Variants in PXMP4 observed in about 807,000 individuals in gnomAD.
PXMP4 encodes the protein peroxisomal membrane protein 4.
In PXMP4, 16 loss-of-function variants were observed where a neutral mutation model predicts 21.6. The ratio of observed to expected loss-of-function variants is 0.74; its 90% CI spans 0.50 to 1.13. The LOEUF (loss-of-function observed/expected upper bound fraction) is 1.13, where lower values mean the gene tolerates loss of function less well. PXMP4 is among the 50% of genes most tolerant of loss of function. The pLI, the probability that PXMP4 is intolerant of heterozygous loss-of-function variation, is 0.00. For missense variants in PXMP4, 240 were observed against 277.7 expected (o/e 0.86, Z 0.96); for synonymous variants, 127 against 123.8 (o/e 1.03, Z -0.17).
chr20:33,714,033 T>C (rs1025459630), intron 2 of PXMP4, among the ~76,000 whole-genome samples: 8 of 151,992 alleles, frequency 5.3e-5, no homozygotes, highest in African/African-American at 1.9e-4. Flanking sequence ...CTGGCGGGGG[T>C]GCTGCGTGAG....
Position 33,720,276 on chromosome 20 carries a change from G to A in PXMP4, c.-69C>T, listed in dbSNP as rs990883205. ...ACTGACAGCCGGAGGTTCCAGCTGC[G>A]CGCCCACAGCCCCTCGGTAGCGCCG... On this transcript the variant is annotated 5_prime_UTR_variant, in exon 1 of 4. Transcript: ENST00000409299. 2 of 1,387,622 alleles carry A rather than the reference G, an allele frequency of 1.4e-6. No homozygotes were observed. Among genetic ancestry groups the A allele is most frequent in the Admixed American group, 4.0e-5 (2 of 50,436 alleles). 86.0% of individuals were successfully genotyped at this position (1,387,622 alleles called of 1,614,324 possible). A position where few individuals can be genotyped will look rare whatever the true frequency, so the allele number is the denominator to read the frequency against.
chr20:33,702,926 T>C lies in PXMP4; in HGVS notation c.*4780A>G, dbSNP rs2018219389. The C allele has an allele frequency of 6.6e-6, 1 of 152,122 alleles. No homozygotes were observed. Among genetic ancestry groups the C allele is most frequent in the African/African-American group, 2.4e-5 (1 of 41,408 alleles). The allele number at this position is 152,122 out of a possible 1,614,324, so 9.4% of individuals were successfully genotyped here. On this transcript the variant is annotated 3_prime_UTR_variant, in exon 4 of 4. Coordinates refer to ENST00000409299, the MANE Select transcript of PXMP4 (RefSeq NM_007238.5). ...CCTCTGGCCATCCCTGTTTTACAGGTCTTAGAGAATGGAGGGCAGCTAGGA... is the reference window on the plus strand; with the variant it reads ...CCTCTGGCCATCCCTGTTTTACAGGCCTTAGAGAATGGAGGGCAGCTAGGA...
At position 33,707,463 on chromosome 20, in the gene PXMP4, CT is replaced by C; in HGVS notation, c.*242del. 1.9e-6 allele frequency: 1 copy of C among 529,120 alleles called. No individual in the cohort carries two copies. Among genetic ancestry groups the C allele is most frequent in the South Asian group, 2.2e-5 (1 of 44,566 alleles). The allele number at this position is 529,120 out of a possible 1,614,324, so 32.8% of individuals were successfully genotyped here. On this transcript the variant is annotated 3_prime_UTR_variant, in exon 4 of 4. Transcript: ENST00000409299. ...AGAGAGTAGTGTGGCTGGCCCCAGT[CT>C]CACAGAAGTCAGCTGCACAGCTGGA...
At chr20:33,711,868 G>A (rs562816349) in intron 2 of PXMP4, among the ~76,000 whole-genome samples, 2 of 151,888 alleles carry the variant, frequency 1.3e-5, no homozygotes, top group Admixed American at 6.6e-5. Context: ...TGGCACACGC[G>A]TGTAGTTCCT....
intron 2 of PXMP4, among the ~76,000 whole-genome samples, chr20:33,712,811 A>G (rs1159270578): frequency 6.6e-6 from 1 of 152,192 alleles, no homozygotes; most frequent in Non-Finnish European, 1.5e-5. Context: ...TTGTATTTTT[A>G]GTAGAGACGG....
chr20:33,710,266 C>T (rs1283971568), intron 3 of PXMP4, among the ~76,000 whole-genome samples: 1 of 148,778 alleles, frequency 6.7e-6, no homozygotes, highest in Non-Finnish European at 1.5e-5. Context: ...CAGAACCACG[C>T]CCTTTCCCCC....
chr20:33,713,497 A>G (rs137855507), intron 2 of PXMP4, among the ~76,000 whole-genome samples: 46 of 152,184 alleles, frequency 3.0e-4, no homozygotes, highest in African/African-American at 1.0e-3. Flanking sequence ...TTGCTTTTCC[A>G]TAACCATAGC....
chr20:33,712,862 C>G (rs151277057), intron 2 of PXMP4, among the ~76,000 whole-genome samples: 1 of 152,338 alleles, frequency 6.6e-6, no homozygotes, highest in Non-Finnish European at 1.5e-5. Flanking sequence ...ATCTCCTGAC[C>G]TCGTGATCTG....
chr20:33,714,715 G>A lies in PXMP4; in HGVS notation c.135C>T (p.Ala45=). Reference sequence around the variant, plus strand: ...GAAAGGTCATGACCAGCGCGTGAGGGGCCCGGATTTTGGCTCCATAGCTGT... The same window carrying A: ...GAAAGGTCATGACCAGCGCGTGAGGAGCCCGGATTTTGGCTCCATAGCTGT... ...NGAVYGAKIR[A]PHALVMTFLF... is the part of the protein sequence containing the mutation. Residue 45 remains alanine (A), a synonymous_variant, in exon 2 of 4, where the codon GCC becomes GCT. Transcript: ENST00000409299. 4 of 1,614,024 alleles carry A rather than the reference G, an allele frequency of 2.5e-6. No individual in the cohort carries two copies. Among genetic ancestry groups the A allele is most frequent in the Non-Finnish European group, 3.4e-6 (4 of 1,179,980 alleles).
intron 3 of PXMP4, 87 bp from the exon 4 acceptor site, chr20:33,708,056 CT>C (rs955620723): frequency 3.5e-6 from 5 of 1,425,054 alleles, no homozygotes; most frequent in Non-Finnish European, 3.8e-6. Context: ...TTTCATTTCT[CT>C]TTTTTTCTTA....
chr20:33,710,720 G>A lies in PXMP4; in HGVS notation c.210C>T (p.Ala70=), dbSNP rs1346520469. 1 of 1,612,968 alleles carries A rather than the reference G, an allele frequency of 6.2e-7. No homozygotes were observed. Among genetic ancestry groups the A allele is most frequent in the Non-Finnish European group, 8.5e-7 (1 of 1,179,490 alleles). ...LQEKLWAILQ[A]TYIHSWNLAR... Reference sequence around the variant, plus strand: ...CCAGGTTCCAGGAGTGGATATATGTGGCCTGCAGTATGGCCCACAGCTTCT... The same window carrying A: ...CCAGGTTCCAGGAGTGGATATATGTAGCCTGCAGTATGGCCCACAGCTTCT... The change falls in exon 3 of 4, where the codon GCC becomes GCT. Residue 70 remains alanine, a synonymous_variant. Coordinates refer to ENST00000409299, the MANE Select transcript of PXMP4 (RefSeq NM_007238.5).
rs1364730672 is a variant in PXMP4, at chr20:33,707,676, T to A, written c.*30A>T. 1.2e-6 allele frequency: 2 copies of A among 1,604,974 alleles called. No individual in the cohort carries two copies. Among genetic ancestry groups the A allele is most frequent in the Admixed American group, 3.3e-5 (2 of 59,816 alleles). ...GGAGGGTCTGCATGGGGCCAAATCTTGAGCCACAGCCAGACACCTCAGGGC... is the reference window on the plus strand; with the variant it reads ...GGAGGGTCTGCATGGGGCCAAATCTAGAGCCACAGCCAGACACCTCAGGGC... On this transcript the variant is annotated 3_prime_UTR_variant, in exon 4 of 4. Coordinates refer to ENST00000409299, the MANE Select transcript of PXMP4 (RefSeq NM_007238.5).
rs1352555834 is a variant in PXMP4, at chr20:33,718,609, G to C, written c.113+1486C>G. Among the ~76,000 whole-genome samples the C allele has an allele frequency of 4.6e-5, 7 of 151,306 alleles. 1 individual carries two copies. The highest frequency in any genetic ancestry group is 4.6e-4 in the Admixed American group (7 of 15,210). ...ATATGCCCTTGGCCAGACCCAGTGG[G>C]AACCAGTTCTACCTGACTCTTGAGT... On this transcript the variant is annotated intron_variant, in intron 1 of 3. Transcript: ENST00000409299.
Position 33,720,228 on chromosome 20 carries a change from T to C in PXMP4, c.-21A>G. ...GCCATAGTGCGGGCTGCGCGCAGGG[T>C]CGGGGTTAGGAACTGTAAGCGCACT... On this transcript the variant is annotated 5_prime_UTR_variant, in exon 1 of 4. Transcript: ENST00000409299. 6.3e-7 allele frequency: 1 copy of C among 1,596,224 alleles called. No individual in the cohort carries two copies. The highest frequency in any genetic ancestry group is 8.5e-7 in the Non-Finnish European group (1 of 1,171,390).
At chr20:33,716,497 G>A (rs1349005006) in intron 1 of PXMP4, among the ~76,000 whole-genome samples, 1 of 152,168 alleles carries the variant, frequency 6.6e-6, no homozygotes, top group Non-Finnish European at 1.5e-5. Context: ...GCCTAGGTTT[G>A]AGCAATTTTT....
rs1233043606 is a variant in PXMP4 at position 33,707,407 on chromosome 20, C to T, written c.*299G>A. On this transcript the variant is annotated 3_prime_UTR_variant, in exon 4 of 4. Transcript: ENST00000409299. Reference sequence around the variant, plus strand: ...ACCCACCGGAAAGAGACCTCAGGGCCCTCCTCTGAGCTCCTTGACCCCTGA... The same window carrying T: ...ACCCACCGGAAAGAGACCTCAGGGCTCTCCTCTGAGCTCCTTGACCCCTGA... 2.9e-6 allele frequency: 1 copy of T among 339,566 alleles called. No homozygotes were observed. Among genetic ancestry groups the T allele is most frequent in the East Asian group, 5.7e-5 (1 of 17,424 alleles). The allele number at this position is 339,566 out of a possible 1,614,324, so 21.0% of individuals were successfully genotyped here.
chr20:33,711,202 T>G (rs1414165697), intron 2 of PXMP4, among the ~76,000 whole-genome samples: 1 of 152,000 alleles, frequency 6.6e-6, no homozygotes, highest in Non-Finnish European at 1.5e-5. Context: ...GATGTGGGGG[T>G]ACGATTCTGA....
In PXMP4 at chr20:33,704,990, G is replaced by GTTTTTTTT. The variant is rs869175381; in HGVS notation, c.*2708_*2715dup. The GTTTTTTTT allele has an allele frequency of 1.9e-5, 2 of 105,376 alleles. No individual in the cohort carries two copies. The highest frequency in any genetic ancestry group is 4.0e-5 in the African/African-American group (1 of 24,702). 6.5% of individuals were successfully genotyped at this position (105,376 alleles called of 1,614,324 possible). A position where few individuals can be genotyped will look rare whatever the true frequency, so the allele number is the denominator to read the frequency against. On this transcript the variant is annotated 3_prime_UTR_variant, in exon 4 of 4. Coordinates refer to ENST00000409299, the MANE Select transcript of PXMP4 (RefSeq NM_007238.5). The stretch of plus-strand genomic sequence containing the variant: ...ACTTGTTTGATTTGTCCAGGATTGT[G>GTTTTTTTT]TTTTTTTTTTTTTTTTTTTTTTTGA...
chr20:33,709,241 G>A (rs906070296), intron 3 of PXMP4, among the ~76,000 whole-genome samples: 4 of 152,166 alleles, frequency 2.6e-5, no homozygotes, highest in African/African-American at 9.7e-5. Context: ...TTGTTGCAAT[G>A]AGCCTAGATC....
Sources: allele counts gnomAD v4.1 joint callset (sites outside exome capture counted in the v4.1 genomes callset), GRCh38; gene constraint gnomAD v4.1.1; transcripts MANE v1.5; gene names NCBI Gene and HGNC (gene_info 2026-07-23, HGNC 2026-07-21).